USH2A: variants seen among roughly 807,000 people sequenced by gnomAD.
The protein encoded by USH2A is usherin.
In USH2A, 443 loss-of-function variants were observed where a neutral mutation model predicts 538.9. That is an observed-to-expected ratio of 0.82 (90% CI 0.76 to 0.89). The LOEUF is 0.89. Among genes scored for constraint, USH2A ranks in the 40% least tolerant of loss-of-function variants. The pLI, the probability that USH2A is intolerant of heterozygous loss-of-function variation, is 0.00. For synonymous variants in USH2A, 2,413 were observed against 2,273.5 expected (o/e 1.06, Z -1.75); for missense variants, 6,633 against 6,324.8 (o/e 1.05, Z -1.65).
intron 35 of USH2A, among the ~76,000 whole-genome samples, chr1:215,983,751 G>A (rs1302188466): frequency 6.6e-6 from 1 of 152,178 alleles, no homozygotes; most frequent in Non-Finnish European, 1.5e-5. Flanking sequence ...GATTTTAGTG[G>A]AACTCCTATT....
At chr1:216,412,087 T>C (rs2039499083) in intron 3 of USH2A, among the ~76,000 whole-genome samples, 1 of 152,118 alleles carries the variant, frequency 6.6e-6, no homozygotes, top group Non-Finnish European at 1.5e-5. Context: ...CTATAAAGTG[T>C]TTTAGTAGAC....
intron 46 of USH2A, among the ~76,000 whole-genome samples, chr1:215,838,476 A>G (rs1558121510): frequency 1.3e-5 from 2 of 152,196 alleles, no homozygotes; most frequent in Non-Finnish European, 2.9e-5. Flanking sequence ...ATCTATAACT[A>G]AGTAGTGTAA....
At chr1:215,856,832 GGTGTGT>G (rs71159889) in intron 44 of USH2A, among the ~76,000 whole-genome samples, 9,262 of 141,916 alleles carry the variant, frequency 0.065, 373 homozygotes, top group African/African-American at 0.11. Flanking sequence ...AAAAAAATTT[GGTGTGT>G]GTGTGTGTGT....
intron 49 of USH2A, among the ~76,000 whole-genome samples, chr1:215,804,427 C>A (rs933494021): frequency 3.9e-5 from 6 of 151,984 alleles, no homozygotes; most frequent in African/African-American, 1.5e-4. Context: ...TGAACTCAAA[C>A]AAATTTACAA....
chr1:216,261,448 CCA>C (rs2036369390), intron 11 of USH2A, among the ~76,000 whole-genome samples: 1 of 126,272 alleles, frequency 7.9e-6, no homozygotes, highest in African/African-American at 3.3e-5. Flanking sequence ...GATTCTATAT[CCA>C]AAAAAAAAAA....
intron 9 of USH2A, among the ~76,000 whole-genome samples, chr1:216,315,393 G>C (rs540836880): frequency 6.6e-6 from 1 of 152,110 alleles, no homozygotes; most frequent in African/African-American, 2.4e-5. Flanking sequence ...TTTTGGAACA[G>C]GCAAAACTAA....
chr1:216,277,232 C>A (rs1339053588), intron 11 of USH2A, among the ~76,000 whole-genome samples: 1 of 152,130 alleles, frequency 6.6e-6, no homozygotes, highest in African/African-American at 2.4e-5. Context: ...CTCCCAGCCC[C>A]CTCCTCTGGG....
chr1:216,214,546 G>A (rs2035307000), intron 15 of USH2A, among the ~76,000 whole-genome samples: 1 of 151,990 alleles, frequency 6.6e-6, no homozygotes, highest in Admixed American at 6.6e-5. Context: ...GGCTAGAGGT[G>A]GGAGTCATGA....
intron 40 of USH2A, among the ~76,000 whole-genome samples, chr1:215,894,435 T>G: frequency 6.6e-6 from 1 of 152,208 alleles, no homozygotes; most frequent in East Asian, 1.9e-4. Context: ...TAGAATTATC[T>G]TGATCAATTT....
intron 35 of USH2A, among the ~76,000 whole-genome samples, chr1:215,990,614 C>T (rs919937165): frequency 2.0e-5 from 3 of 151,840 alleles, no homozygotes; most frequent in Non-Finnish European, 2.9e-5. Flanking sequence ...TTCACATAGT[C>T]AAGAGAAGAG....
intron 41 of USH2A, among the ~76,000 whole-genome samples, chr1:215,882,517 CAG>C (rs1263215131): frequency 6.6e-6 from 1 of 152,046 alleles, no homozygotes; most frequent in Non-Finnish European, 1.5e-5. Context: ...TTCAATCAGA[CAG>C]AGAAAGAGTA....
chr1:215,727,594 G>A (rs1398455510), intron 61 of USH2A, among the ~76,000 whole-genome samples: 2 of 151,864 alleles, frequency 1.3e-5, no homozygotes, highest in African/African-American at 2.4e-5. Context: ...GGGCAGTGGT[G>A]GGCACCTGTA....
chr1:215,821,790 G>A (rs796709528), intron 47 of USH2A, among the ~76,000 whole-genome samples: 41 of 151,810 alleles, frequency 2.7e-4, no homozygotes, highest in African/African-American at 8.9e-4. Flanking sequence ...TCTTGAATGC[G>A]GTAAGAGATA....
At chr1:216,115,321 T>A (rs2032980627) in intron 21 of USH2A, among the ~76,000 whole-genome samples, 1 of 152,092 alleles carries the variant, frequency 6.6e-6, no homozygotes, top group Non-Finnish European at 1.5e-5. Flanking sequence ...TTTAAAAGAC[T>A]TTTTTGTAGA....
chr1:215,663,499 G>C (rs1370154379), intron 64 of USH2A, among the ~76,000 whole-genome samples: 1 of 152,200 alleles, frequency 6.6e-6, no homozygotes. Flanking sequence ...CAGGTGTGGA[G>C]TACTTGTTCC....
intron 3 of USH2A, among the ~76,000 whole-genome samples, chr1:216,379,510 C>T (rs1368107875): frequency 6.6e-6 from 1 of 151,864 alleles, no homozygotes; most frequent in South Asian, 2.1e-4. Flanking sequence ...ACAAGTGCTA[C>T]TTAAGTGCTT....
chr1:216,411,084 T>TA lies in USH2A; in HGVS notation c.651+7429dup, dbSNP rs139843068. On this transcript the variant is annotated intron_variant, in intron 3 of 71. Transcript: ENST00000307340. ...TAAAACAGTTCAATAGAGTTCCATT[T>TA]AAAAAAAAAATCTTAACATATCCAG... Among the ~76,000 whole-genome samples, 30 of 150,766 alleles carry TA rather than the reference T, an allele frequency of 2.0e-4. 1 individual carries two copies. The highest frequency in any genetic ancestry group is 1.4e-3 in the East Asian group (7 of 5,134).
chr1:216,108,642 A>C (rs1041618000), intron 21 of USH2A, among the ~76,000 whole-genome samples: 1 of 151,838 alleles, frequency 6.6e-6, no homozygotes, highest in Non-Finnish European at 1.5e-5. Flanking sequence ...TTTATTTTTT[A>C]ACCTATTTTT....
At chr1:216,143,397 G>A (rs2102613008) in intron 21 of USH2A, among the ~76,000 whole-genome samples, 1 of 151,908 alleles carries the variant, frequency 6.6e-6, no homozygotes, top group East Asian at 1.9e-4. Flanking sequence ...CAGTACTTAG[G>A]GCACCATTTC....
Sources: allele counts gnomAD v4.1 joint callset (sites outside exome capture counted in the v4.1 genomes callset), GRCh38; gene constraint gnomAD v4.1.1; transcripts MANE v1.5; gene names NCBI Gene and HGNC (gene_info 2026-07-23, HGNC 2026-07-21).